BAZ2B: variants seen among roughly 807,000 people sequenced by gnomAD.
BAZ2B encodes bromodomain adjacent to zinc finger domain 2B.
BAZ2B carries 91 observed loss-of-function variants against 246.0 expected under a neutral mutation model. The observed-to-expected ratio is 0.37, with a 90% CI of 0.31 to 0.44. The LOEUF is 0.44. Among genes scored for constraint, BAZ2B ranks in the 20% least tolerant of loss-of-function variants. The probability of loss-of-function intolerance (pLI) is 1.00; values close to 1 mark genes in which losing one functional copy is unlikely to be tolerated. For missense variants in BAZ2B, 2,332 were observed against 2,533.7 expected (o/e 0.92, Z 1.71); for synonymous variants, 855 against 860.0 (o/e 0.99, Z 0.10).
chr2:159,500,544 T>C (rs1278016670), intron 2 of BAZ2B, among the ~76,000 whole-genome samples: 1 of 152,206 alleles, frequency 6.6e-6, no homozygotes, highest in Non-Finnish European at 1.5e-5. Context: ...CTAGTTTTTA[T>C]ATGGAAGAAT....
At chr2:159,350,964 G>A (rs1470641499) in intron 27 of BAZ2B, among the ~76,000 whole-genome samples, 1 of 152,014 alleles carries the variant, frequency 6.6e-6, no homozygotes, top group Non-Finnish European at 1.5e-5. Context: ...GCTAGATGAC[G>A]AGTTAGTGGG....
chr2:159,634,651 T>C, the BAZ2B span, among the ~76,000 whole-genome samples: 1 of 152,358 alleles, frequency 6.6e-6, no homozygotes, highest in South Asian at 2.1e-4. Context: ...TGTCTGATTT[T>C]ACTCTGAGGA....
intron 1 of BAZ2B, among the ~76,000 whole-genome samples, chr2:159,607,391 G>A (rs1393804745): frequency 6.6e-6 from 1 of 152,128 alleles, no homozygotes; most frequent in Non-Finnish European, 1.5e-5. Context: ...AAAGAACCAA[G>A]GAAAAGGGAG....
chr2:159,590,325 C>T (rs1001565843), intron 1 of BAZ2B, among the ~76,000 whole-genome samples: 1 of 148,488 alleles, frequency 6.7e-6, no homozygotes, highest in Non-Finnish European at 1.5e-5. Flanking sequence ...TACAGTGGCT[C>T]ACGCCTGTAA....
the BAZ2B span, among the ~76,000 whole-genome samples, chr2:159,637,584 G>A: frequency 2.6e-5 from 4 of 151,780 alleles, no homozygotes; most frequent in African/African-American, 4.8e-5. Flanking sequence ...TATTTTTTTC[G>A]AGACCCTCTG....
At chr2:159,693,424 C>CTTT in the BAZ2B span, 44,797 of 124,948 alleles carry the variant, frequency 0.36, 10,158 homozygotes, top group Middle Eastern at 0.51. Context: ...TAAAAATAAA[C>CTTT]TTTTTTTTTT....
In BAZ2B at chr2:159,496,421, T is replaced by G. The variant is rs572761432; in HGVS notation, c.-2-17700A>C. On this transcript the variant is annotated intron_variant, in intron 2 of 36. Coordinates refer to ENST00000392783, the MANE Select transcript of BAZ2B (RefSeq NM_013450.4). The stretch of plus-strand genomic sequence containing the variant: ...AAAAAATTAATGCTACCAGAATGGC[T>G]TGAACGTGGGAGGGCCGATTGCACC... Among the ~76,000 whole-genome samples the G allele has an allele frequency of 2.8e-5, 4 of 140,890 alleles. No individual in the cohort carries two copies. The South Asian group carries it at 9.2e-4, about 32-fold the overall frequency. The allele number at this position is 140,890 out of a possible 152,430, so 92.4% of individuals were successfully genotyped here. A position where few individuals can be genotyped will look rare whatever the true frequency, so the allele number is the denominator to read the frequency against.
Position 159,389,458 on chromosome 2 carries a change from G to A in BAZ2B, c.3103C>T (p.Arg1035Cys), listed in dbSNP as rs1293061266. ...TCTTTATTTAATCTTTTCTCATCAC[G>A]TTTTTCTTGTTTCAACCGCTCTTTT... ...EEKERLKQEK[R>C]DEKRLNKERK... The change falls in exon 21 of 37, where the codon CGT becomes TGT. Residue 1035 changes from arginine to cysteine, a missense_variant. Arg to Cys is a radical substitution (Grantham distance 180, BLOSUM62 -3). This residue lies in a region of BAZ2B where 328 missense variants were observed against 410.4 expected (regional missense o/e 0.80). Coordinates refer to ENST00000392783, the MANE Select transcript of BAZ2B (RefSeq NM_013450.4). 12 of 1,605,384 alleles carry A rather than the reference G, an allele frequency of 7.5e-6. No individual in the cohort carries two copies. The highest frequency in any genetic ancestry group is 2.2e-5 in the East Asian group (1 of 44,616).
chr2:159,321,348 T>C (rs1188271212), intron 36 of BAZ2B, among the ~76,000 whole-genome samples: 1 of 152,104 alleles, frequency 6.6e-6, no homozygotes, highest in African/African-American at 2.4e-5. Flanking sequence ...AGTTTGTAGG[T>C]TCCTCAAAAA....
intron 6 of BAZ2B, among the ~76,000 whole-genome samples, chr2:159,442,114 A>G (rs1266598016): frequency 6.6e-6 from 1 of 152,150 alleles, no homozygotes; most frequent in Non-Finnish European, 1.5e-5. Context: ...GTAAAACAGA[A>G]TAACTGGATA....
rs999475360 is a variant in BAZ2B at position 159,325,981 on chromosome 2, T to C, written c.5944-63A>G. The C allele has an allele frequency of 5.2e-6, 7 of 1,352,054 alleles. No individual in the cohort carries two copies. In the African/African-American group the frequency reaches 1.1e-4, roughly 20 times the overall value. The allele number at this position is 1,352,054 out of a possible 1,614,324, so 83.8% of individuals were successfully genotyped here. On this transcript the variant is annotated intron_variant, in intron 34 of 36. Transcript: ENST00000392783. ...GTGACTGTCTACAGACCTATTATTT[T>C]AAATTATGAAAGTCTGACAGGACAA... is the stretch of plus-strand genomic sequence containing the variant.
Position 159,386,360 on chromosome 2 carries a change from C to A in BAZ2B, c.3464G>T (p.Gly1155Val). The A allele has an allele frequency of 1.9e-6, 3 of 1,607,920 alleles. No individual in the cohort carries two copies. Among genetic ancestry groups the A allele is most frequent in the Non-Finnish European group, 2.5e-6 (3 of 1,177,836 alleles). Residue 1155 changes from glycine to valine, a missense_variant, in exon 22 of 37, where the codon GGA becomes GTA. By Grantham distance (109) the Gly-to-Val change is moderately radical (BLOSUM62 -3). Around this residue, in one of 9 missense-constraint regions of BAZ2B, gnomAD observed 328 missense variants for 410.4 expected, o/e 0.80. Coordinates refer to ENST00000392783, the MANE Select transcript of BAZ2B (RefSeq NM_013450.4). ...TATTTTGTTTTTTTTTACCTTGTAT[C>A]CTGTTATTAGACCTGGATCACATAC... ...AAVCDPGLIT[G>V]YKAKTALGEH...
intron 16 of BAZ2B, among the ~76,000 whole-genome samples, chr2:159,403,035 G>T (rs2065332660): frequency 8.5e-5 from 13 of 152,094 alleles, no homozygotes; most frequent in Admixed American, 7.9e-4. Context: ...CAATGCCTGT[G>T]TGCCTCCTGC....
intron 2 of BAZ2B, among the ~76,000 whole-genome samples, chr2:159,505,454 T>G (rs2082234072): frequency 6.6e-6 from 1 of 152,154 alleles, no homozygotes; most frequent in African/African-American, 2.4e-5. Flanking sequence ...TCCAGAAGAT[T>G]CCAAGGTTAA....
rs1445082580 is a variant in BAZ2B, at chr2:159,405,063, T to A, written c.2729A>T (p.Gln910Leu). The A allele has an allele frequency of 2.5e-6, 4 of 1,614,048 alleles. No individual in the cohort carries two copies. The highest frequency in any genetic ancestry group is 2.7e-5 in the African/African-American group (2 of 74,952). ...QIKLLRKLQK[Q>L]EQARVAKEAK... ...TTCTTTAGCAACCCGAGCCTGTTCC[T>A]GCTTTTGAAGTTTTCTCAAAAGCTT... Residue 910 changes from glutamine to leucine, a missense_variant, in exon 15 of 37, where the codon CAG becomes CTG. By Grantham distance (113) the Gln-to-Leu change is moderately radical. Transcript: ENST00000392783.
chr2:159,710,280 C>G, the BAZ2B span, among the ~76,000 whole-genome samples: 2 of 150,140 alleles, frequency 1.3e-5, no homozygotes, highest in Admixed American at 1.3e-4. Context: ...ATGATCTTGG[C>G]TCACTGCAAC....
chr2:159,692,691 T>C, the BAZ2B span, among the ~76,000 whole-genome samples: 20 of 152,082 alleles, frequency 1.3e-4, no homozygotes, highest in African/African-American at 4.8e-4. Context: ...CTCTTTAAAA[T>C]AAAAAATTAA....
chr2:159,337,211 T>A, intron 32 of BAZ2B, 134 bp from the exon 33 acceptor site: 1 of 1,210,660 alleles, frequency 8.3e-7, no homozygotes, highest in East Asian at 2.4e-5. Flanking sequence ...TTTAAGCAAC[T>A]AAATTTGATG....
intron 13 of BAZ2B, among the ~76,000 whole-genome samples, chr2:159,412,902 T>G (rs929357791): frequency 3.3e-5 from 5 of 152,222 alleles, no homozygotes; most frequent in Admixed American, 6.5e-5. Context: ...AGATTGCTCT[T>G]ATGGGTTATC....
Sources: allele counts gnomAD v4.1 joint callset (sites outside exome capture counted in the v4.1 genomes callset), GRCh38; gene constraint gnomAD v4.1.1; regional missense constraint gnomAD v4.1.1; transcripts MANE v1.5; gene names NCBI Gene and HGNC (gene_info 2026-07-23, HGNC 2026-07-21).